The following CRPPA variants were observed in gnomAD, a reference collection of about 807,000 sequenced individuals.
CRPPA encodes D-ribitol-5-phosphate cytidylyltransferase.
CRPPA carries 43 observed loss-of-function variants against 52.0 expected under a neutral mutation model. The observed-to-expected ratio is 0.83, with a 90% CI of 0.65 to 1.07. CRPPA has a LOEUF of 1.07. CRPPA is among the 50% of genes least tolerant of loss of function. The pLI is 0.00. For missense variants in CRPPA, 629 were observed against 551.7 expected (o/e 1.14, Z -1.40); for synonymous variants, 250 against 203.5 (o/e 1.23, Z -1.94).
intron 3 of CRPPA, among the ~76,000 whole-genome samples, chr7:16,352,009 A>T (rs983030493): frequency 6.6e-6 from 1 of 152,202 alleles, no homozygotes; most frequent in African/African-American, 2.4e-5. Context: ...ACTTGGAACC[A>T]ACCCAAATGC....
intron 6 of CRPPA, among the ~76,000 whole-genome samples, chr7:16,266,650 T>G (rs1374635498): frequency 6.6e-6 from 1 of 152,046 alleles, no homozygotes; most frequent in Non-Finnish European, 1.5e-5. Flanking sequence ...GACTAATTTT[T>G]GTATTTTTAG....
At chr7:16,106,151 C>A (rs1180107598) in intron 9 of CRPPA, among the ~76,000 whole-genome samples, 1 of 152,168 alleles carries the variant, frequency 6.6e-6, no homozygotes, top group Non-Finnish European at 1.5e-5. Context: ...CAATAACTTT[C>A]CCATTTCCAA....
intron 2 of CRPPA, among the ~76,000 whole-genome samples, chr7:16,377,873 C>T (rs897245008): frequency 6.6e-5 from 10 of 152,102 alleles, no homozygotes; most frequent in Non-Finnish European, 1.5e-4. Context: ...GAGGTTGAGG[C>T]CCACCTCTTT....
chr7:16,162,871 T>G (rs1780937736), intron 9 of CRPPA, among the ~76,000 whole-genome samples: 1 of 152,128 alleles, frequency 6.6e-6, no homozygotes, highest in Non-Finnish European at 1.5e-5. Flanking sequence ...CTGTATTGGG[T>G]GCATATATAT....
intron 9 of CRPPA, among the ~76,000 whole-genome samples, chr7:16,112,947 A>C: frequency 6.6e-6 from 1 of 152,092 alleles, no homozygotes; most frequent in East Asian, 1.9e-4. Flanking sequence ...ATGCATTCAT[A>C]ATAAAAATCT....
chr7:16,308,431 T>A, intron 4 of CRPPA, 92 bp downstream of exon 4: 1 of 715,638 alleles, frequency 1.4e-6, no homozygotes, highest in South Asian at 1.6e-5. Flanking sequence ...CTCCCTTAAC[T>A]CCTACTCAAT....
intron 3 of CRPPA, among the ~76,000 whole-genome samples, chr7:16,315,041 GAT>G (rs1225568926): frequency 6.6e-6 from 1 of 151,942 alleles, no homozygotes; most frequent in African/African-American, 2.4e-5. Flanking sequence ...ATGATTCTTG[GAT>G]ATTCTGTTAT....
At chr7:16,381,212 A>G (rs1243070167) in intron 2 of CRPPA, among the ~76,000 whole-genome samples, 1 of 152,180 alleles carries the variant, frequency 6.6e-6, no homozygotes, top group Non-Finnish European at 1.5e-5. Flanking sequence ...GTTGGTTTCA[A>G]AGAACATCTT....
At chr7:16,114,402 T>A (rs1782327534) in intron 9 of CRPPA, among the ~76,000 whole-genome samples, 1 of 151,514 alleles carries the variant, frequency 6.6e-6, no homozygotes, top group African/African-American at 2.4e-5. Flanking sequence ...CCAGCAAATC[T>A]CAATAAGCAA....
At chr7:16,216,425 T>A in intron 8 of CRPPA, 1 of 332,518 alleles carries the variant, frequency 3.0e-6, no homozygotes, top group Non-Finnish European at 5.5e-6. Flanking sequence ...AAAAACCAAA[T>A]GCTGGGGAGG....
At chr7:16,319,055 A>T (rs898613736) in intron 3 of CRPPA, among the ~76,000 whole-genome samples, 59 of 152,114 alleles carry the variant, frequency 3.9e-4, no homozygotes, top group Admixed American at 1.2e-3. Context: ...CCCTTTCAAT[A>T]TCATAATTTT....
intron 3 of CRPPA, among the ~76,000 whole-genome samples, chr7:16,357,861 A>C (rs1786342883): frequency 6.6e-6 from 1 of 152,156 alleles, no homozygotes; most frequent in African/African-American, 2.4e-5. Context: ...GATGGCAGGG[A>C]AGTTTCATGG....
At chr7:16,092,699 T>C (rs755470701) in intron 9 of CRPPA, among the ~76,000 whole-genome samples, 21 of 152,146 alleles carry the variant, frequency 1.4e-4, no homozygotes, top group Non-Finnish European at 2.9e-4. Flanking sequence ...AATACTTATT[T>C]TAAAATATAG....
At chr7:16,202,155 A>G (rs905261637) in intron 9 of CRPPA, among the ~76,000 whole-genome samples, 2 of 152,188 alleles carry the variant, frequency 1.3e-5, no homozygotes, top group South Asian at 4.1e-4. Flanking sequence ...TTGAATTTTT[A>G]ATAATAAACT....
chr7:16,283,260 A>G (rs1784355255), intron 5 of CRPPA, among the ~76,000 whole-genome samples: 1 of 148,082 alleles, frequency 6.8e-6, no homozygotes, highest in Non-Finnish European at 1.5e-5. Flanking sequence ...CCATATATAT[A>G]TATATAAATG....
chr7:16,148,823 T>C (rs532611311), intron 9 of CRPPA, among the ~76,000 whole-genome samples: 1 of 152,150 alleles, frequency 6.6e-6, no homozygotes, highest in South Asian at 2.1e-4. Flanking sequence ...ATTTTAAATG[T>C]TCCCAACACA....
At chr7:16,358,644 A>T (rs191877159) in intron 3 of CRPPA, among the ~76,000 whole-genome samples, 3 of 152,232 alleles carry the variant, frequency 2.0e-5, no homozygotes, top group African/African-American at 7.2e-5. Context: ...GAAGAATACT[A>T]TAAGCAGAAA....
At chr7:16,206,005 C>A (rs188042581) in intron 9 of CRPPA, among the ~76,000 whole-genome samples, 20 of 152,118 alleles carry the variant, frequency 1.3e-4, no homozygotes, top group Admixed American at 1.2e-3. Context: ...ATCCAAGATA[C>A]CTAACCAGTA....
chr7:16,396,785 G>A (rs766046115), intron 2 of CRPPA, among the ~76,000 whole-genome samples: 5 of 152,230 alleles, frequency 3.3e-5, no homozygotes, highest in African/African-American at 9.7e-5. Flanking sequence ...GAAGGAAGAC[G>A]TGATATGTGT....
Sources: gnomAD v4.1 joint callset for allele counts (sites outside exome capture counted in the v4.1 genomes callset) on GRCh38, gnomAD v4.1.1 for gene constraint, MANE v1.5 for transcripts, NCBI Gene and HGNC (gene_info 2026-07-23, HGNC 2026-07-21) for gene names.